The following HERC2 variants were observed in gnomAD, a reference collection of about 807,000 sequenced individuals.
HERC2 encodes the protein E3 ubiquitin-protein ligase HERC2.
HERC2 carries 102 observed loss-of-function variants against 537.7 expected under a neutral mutation model. The observed-to-expected ratio is 0.19, with a 90% confidence interval of 0.16 to 0.22. HERC2 has a LOEUF of 0.22. Among genes scored for constraint, HERC2 ranks in the 10% least tolerant of loss-of-function variants. The pLI is 1.00. For missense variants in HERC2, 4,236 were observed against 6,198.2 expected (o/e 0.68, Z 10.63); for synonymous variants, 2,224 against 2,466.2 (o/e 0.90, Z 2.91).
At position 28,238,216 on chromosome 15, in the gene HERC2, A is replaced by G. The variant is rs1433130401; in HGVS notation, c.3750T>C (p.Ala1250=). The change falls in exon 25 of 93, where the codon GCT becomes GCC. Residue 1250 remains alanine (A), a splice_region_variant and synonymous_variant. Transcript: ENST00000261609. ...TQSLTGNSIL[A]QFAGEDPVVA... ...CCACTGGGTCTTCCCCTGCAAACTG[A>G]GCTGAAACAAAAAGGGAAAAAGCAA... The G allele has an allele frequency of 6.3e-7, 1 of 1,578,684 alleles. No homozygotes were observed. The highest frequency in any genetic ancestry group is 1.1e-5 in the South Asian group (1 of 90,308).
chr15:28,128,048 A>G (rs961289949), intron 83 of HERC2, among the ~76,000 whole-genome samples: 2 of 152,240 alleles, frequency 1.3e-5, no homozygotes, highest in African/African-American at 4.8e-5. Flanking sequence ...GTCACCTGCA[A>G]GGATGAACTG....
Position 28,266,001 on chromosome 15 carries a change from A to G in HERC2, c.1599-27T>C, listed in dbSNP as rs370153928. The G allele has an allele frequency of 1.8e-5, 29 of 1,609,618 alleles. No homozygotes were observed. In the African/African-American group the frequency reaches 3.9e-4, roughly 21 times the overall value. Reference sequence around the variant, plus strand: ...TTGGGGAGAAAGGGAACAAACATGAATGCCCTTCTTCTTGGTGTTATTTCT... The same window carrying G: ...TTGGGGAGAAAGGGAACAAACATGAGTGCCCTTCTTCTTGGTGTTATTTCT... On this transcript the variant is annotated intron_variant, in intron 12 of 92. Transcript: ENST00000261609.
Position 28,301,729 on chromosome 15 carries a change from GTATGTGTATATATATATA to G in HERC2, c.73-2231_73-2214del, listed in dbSNP as rs1279492225. Among the ~76,000 whole-genome samples the G allele has an allele frequency of 8.3e-3, 313 of 37,894 alleles. 12 individuals carry two copies. Among genetic ancestry groups the G allele is most frequent in the African/African-American group, 0.025 (298 of 12,152 alleles). The allele number at this position is 37,894 out of a possible 152,430, so 24.9% of individuals were successfully genotyped here. A position where few individuals can be genotyped will look rare whatever the true frequency, so the allele number is the denominator to read the frequency against. The stretch of plus-strand genomic sequence containing the variant: ...TTCTGTGGATACACACTAGTTGTAT[GTATGTGTATATATATATA>G]TATATATATATATATATATATATAT... On this transcript the variant is annotated intron_variant, in intron 2 of 92. Coordinates refer to ENST00000261609, the MANE Select transcript of HERC2 (RefSeq NM_004667.6).
intron 19 of HERC2, among the ~76,000 whole-genome samples, chr15:28,255,304 A>G (rs1041072496): frequency 6.6e-6 from 1 of 152,210 alleles, no homozygotes; most frequent in Non-Finnish European, 1.5e-5. Context: ...CACTGCATCC[A>G]GCCTCGGTGA....
chr15:28,267,914 G>A (rs1187415673), intron 12 of HERC2, among the ~76,000 whole-genome samples: 1 of 152,204 alleles, frequency 6.6e-6, no homozygotes, highest in Non-Finnish European at 1.5e-5. Flanking sequence ...AAAGTTCCAT[G>A]CACAACAGCA....
At chr15:28,116,935 T>G (rs1228129807) in intron 87 of HERC2, 76 bp from the exon 88 acceptor site, 27 of 1,610,796 alleles carry the variant, frequency 1.7e-5, no homozygotes, top group Non-Finnish European at 2.2e-5. Context: ...TCCCACACCA[T>G]GTGGCCTCTG....
chr15:28,228,058 G>C (rs1252832218), intron 35 of HERC2, among the ~76,000 whole-genome samples, 160 bp downstream of exon 35: 1 of 151,014 alleles, frequency 6.6e-6, no homozygotes, highest in African/African-American at 2.4e-5. Context: ...AAATGTATTT[G>C]ATACCGCTGA....
At chr15:28,260,109 G>A (rs959252342) in intron 16 of HERC2, among the ~76,000 whole-genome samples, 1 of 151,806 alleles carries the variant, frequency 6.6e-6, no homozygotes, top group Non-Finnish European at 1.5e-5. Context: ...GGAGGCCAAG[G>A]CAGGCAGATC....
At chr15:28,235,307 G>A (rs1039968453) in intron 26 of HERC2, among the ~76,000 whole-genome samples, 2 of 152,078 alleles carry the variant, frequency 1.3e-5, no homozygotes, top group Non-Finnish European at 2.9e-5. Flanking sequence ...TGATCCTCCT[G>A]TGGATTGGAC....
chr15:28,144,562 G>C (rs1212119917), intron 72 of HERC2, 111 bp downstream of exon 72: 11 of 1,455,720 alleles, frequency 7.6e-6, no homozygotes, highest in Non-Finnish European at 1.0e-5. Context: ...CTCCAACACA[G>C]CAGAAGGCAG....
At position 28,176,850 on chromosome 15, in the gene HERC2, T is replaced by C; in HGVS notation, c.9433-82A>G. 1.9e-6 allele frequency: 3 copies of C among 1,574,056 alleles called. No individual in the cohort carries two copies. Among genetic ancestry groups the C allele is most frequent in the African/African-American group, 1.3e-5 (1 of 74,254 alleles). ...ATTTTCCCACAGATAAAGCCAACCA[T>C]GCACACATCTTTATGAACTTTCCTA... On this transcript the variant is annotated intron_variant, in intron 61 of 92. Transcript: ENST00000261609. This position sits in a 1 kb window ranked among gnomAD's most constrained non-coding sequence, Gnocchi z 5.0.
intron 35 of HERC2, among the ~76,000 whole-genome samples, chr15:28,222,460 C>G (rs1333812624): frequency 6.6e-6 from 1 of 152,160 alleles, no homozygotes; most frequent in Non-Finnish European, 1.5e-5. Flanking sequence ...TAAAGCTACT[C>G]TCTCTACTTC....
At position 28,260,897 on chromosome 15, in the gene HERC2, G is replaced by A; in HGVS notation, c.2196C>T (p.Ser732=). Residue 732 remains serine (S), a synonymous_variant, in exon 16 of 93, where the codon AGC becomes AGT. Coordinates refer to ENST00000261609, the MANE Select transcript of HERC2 (RefSeq NM_004667.6). ...LALTEDSEVH[S]WGSNDQCQHF... Reference sequence around the variant, plus strand: ...GCTGGCACTGGTCGTTGCTCCCCCAGCTGTGGACCTCGCTGTCCTCAGTCA... The same window carrying A: ...GCTGGCACTGGTCGTTGCTCCCCCAACTGTGGACCTCGCTGTCCTCAGTCA... The A allele has an allele frequency of 6.2e-7, 1 of 1,614,208 alleles. No homozygotes were observed. Among genetic ancestry groups the A allele is most frequent in the Non-Finnish European group, 8.5e-7 (1 of 1,180,026 alleles).
rs764099714 is a variant in HERC2, at chr15:28,263,038, A to G, written c.2002T>C (p.Phe668Leu). The stretch of plus-strand genomic sequence containing the variant: ...CCATCTTTCGTCAAAGCAATGGAAA[A>G]CTGACTTCCACAGCGGACTTTGACC... Reference protein sequence around the residue: ...DVVKVRCGSQFSIALTKDGQV... With the variant: ...DVVKVRCGSQLSIALTKDGQV... Residue 668 changes from phenylalanine to leucine, a missense_variant, in exon 15 of 93, where the codon TTT becomes CTT. Around this residue, in one of 27 missense-constraint regions of HERC2, gnomAD observed 754 missense variants for 1,085.0 expected, o/e 0.69. Coordinates refer to ENST00000261609, the MANE Select transcript of HERC2 (RefSeq NM_004667.6). 2 of 1,614,136 alleles carry G rather than the reference A, an allele frequency of 1.2e-6. No homozygotes were observed. The highest frequency in any genetic ancestry group is 4.5e-5 in the East Asian group (2 of 44,862).
rs779447555 is a variant in HERC2, at chr15:28,141,414, T to C, written c.12015+18A>G. The C allele has an allele frequency of 1.7e-5, 28 of 1,612,484 alleles. No homozygotes were observed. In the Admixed American group the frequency reaches 2.5e-4, roughly 14 times the overall value. On this transcript the variant is annotated intron_variant, in intron 78 of 92. Transcript: ENST00000261609. ...CCTCAGGCTCAATGACCTTGTGACA[T>C]AGAAAAAGAGCTCTTACCTTCCCAT...
intron 44 of HERC2, among the ~76,000 whole-genome samples, chr15:28,210,120 C>A (rs2140411037): frequency 6.6e-6 from 1 of 151,114 alleles, no homozygotes; most frequent in South Asian, 2.1e-4. Context: ...CACCACTATG[C>A]CCCACTATTT....
rs1891052736 is a variant in HERC2 at position 28,140,057 on chromosome 15, G to A, written c.12015+1375C>T. ...CACTCCAGCCTGGGCGACAGAGTGA[G>A]ACTCTGTCTCAAAAAAAAAAAAGAA... On this transcript the variant is annotated intron_variant, in intron 78 of 92. Transcript: ENST00000261609. 3.3e-5 allele frequency among the ~76,000 whole-genome samples: 5 copies of A among 150,490 alleles called. No individual in the cohort carries two copies. In the South Asian group the frequency reaches 1.1e-3, roughly 32 times the overall value.
At chr15:28,186,303 A>G (rs1896303719) in intron 56 of HERC2, among the ~76,000 whole-genome samples, 2 of 152,230 alleles carry the variant, frequency 1.3e-5, no homozygotes, top group African/African-American at 2.4e-5. Context: ...ACAAAGATAT[A>G]TACCAAAATA....
chr15:28,125,147 G>A lies in HERC2; in HGVS notation c.12849C>T (p.Asp4283=), dbSNP rs140379541. 4.3e-5 allele frequency: 70 copies of A among 1,614,044 alleles called. No homozygotes were observed. The highest frequency in any genetic ancestry group is 2.2e-4 in the East Asian group (10 of 44,868). Residue 4283 remains aspartate, a synonymous_variant, in exon 84 of 93, where the codon GAC becomes GAT. Transcript: ENST00000261609. ...WGDNDEGQLG[D]GTTNAIQRPR... is the part of the protein sequence containing the mutation. ...GCCTCTGGATGGCATTGGTGGTTCC[G>A]TCTCCCAGTTGTCCCTCATCATTGT...
Sources: gnomAD v4.1 joint callset for allele counts (sites outside exome capture counted in the v4.1 genomes callset) on GRCh38, gnomAD v4.1.1 for gene constraint, gnomAD v4.1.1 regional missense constraint, Gnocchi (gnomAD v3.1) non-coding constraint, MANE v1.5 for transcripts, NCBI Gene and HGNC (gene_info 2026-07-23, HGNC 2026-07-21) for gene names.